Variants in GRAMD1B observed in about 807,000 individuals in gnomAD.
GRAMD1B encodes the protein protein Aster-B.
In GRAMD1B, 37 loss-of-function variants were observed where a neutral mutation model predicts 99.7. The ratio of observed to expected loss-of-function variants is 0.37; its 90% CI spans 0.29 to 0.49. GRAMD1B has a LOEUF of 0.49. Among genes scored for constraint, GRAMD1B ranks in the 20% least tolerant of loss-of-function variants. The probability of loss-of-function intolerance (pLI) is 0.98; values close to 1 mark genes in which losing one functional copy is unlikely to be tolerated. For missense variants in GRAMD1B, 888 were observed against 1,009.2 expected, an observed-to-expected ratio of 0.88 and a Z score of 1.63; for synonymous variants, 427 against 387.6, an observed-to-expected ratio of 1.10 and a Z score of -1.19.
At chr11:123,598,331 G>A (rs1197223824) in intron 7 of GRAMD1B, 19 of 1,197,700 alleles carry the variant, frequency 1.6e-5, no homozygotes, top group Non-Finnish European at 1.9e-5. Context: ...AAATGATCTC[G>A]TTCTCTTCAT....
intron 1 of GRAMD1B, among the ~76,000 whole-genome samples, chr11:123,391,432 G>A (rs748520294): frequency 6.6e-6 from 1 of 151,986 alleles, no homozygotes; most frequent in Non-Finnish European, 1.5e-5. Context: ...GTCCTTCTTG[G>A]CATCTTGATT....
At chr11:123,565,034 C>A (rs1344855836) in intron 2 of GRAMD1B, among the ~76,000 whole-genome samples, 1 of 151,634 alleles carries the variant, frequency 6.6e-6, no homozygotes, top group African/African-American at 2.4e-5. Flanking sequence ...AATGTAATTT[C>A]ATATTTTATT....
chr11:123,477,437 G>T (rs913016282), intron 1 of GRAMD1B, among the ~76,000 whole-genome samples: 1 of 151,308 alleles, frequency 6.6e-6, no homozygotes, highest in African/African-American at 2.4e-5. Context: ...TGTCTTGAGC[G>T]AATGGCAAAC....
At chr11:123,466,918 G>C (rs543886740) in intron 1 of GRAMD1B, among the ~76,000 whole-genome samples, 2 of 152,314 alleles carry the variant, frequency 1.3e-5, no homozygotes, top group South Asian at 4.1e-4. Flanking sequence ...TGGGAAACTA[G>C]AAAAAGGTGG....
intron 1 of GRAMD1B, among the ~76,000 whole-genome samples, chr11:123,371,123 C>G (rs1946514817): frequency 7.5e-6 from 1 of 132,716 alleles, no homozygotes; most frequent in Non-Finnish European, 1.7e-5. Context: ...GTGGCTTCAG[C>G]AGGATGCATG....
chr11:123,432,837 C>T (rs544927421), intron 1 of GRAMD1B, among the ~76,000 whole-genome samples: 10 of 152,152 alleles, frequency 6.6e-5, no homozygotes, highest in South Asian at 2.1e-4. Flanking sequence ...GAGTAGGATC[C>T]GTTATGCAGA....
chr11:123,581,201 G>C (rs1341539124), intron 3 of GRAMD1B, among the ~76,000 whole-genome samples: 1 of 152,116 alleles, frequency 6.6e-6, no homozygotes, highest in Non-Finnish European at 1.5e-5. Flanking sequence ...ATAGAAACGA[G>C]CATGTCCCCA....
At chr11:123,606,089 A>G (rs1245921572) in intron 10 of GRAMD1B, among the ~76,000 whole-genome samples, 1 of 152,220 alleles carries the variant, frequency 6.6e-6, no homozygotes, top group African/African-American at 2.4e-5. Flanking sequence ...CTTGTATTTC[A>G]GTAGGCTATG....
upstream of GRAMD1B, among the ~76,000 whole-genome samples, chr11:123,427,065 G>A (rs560838807): frequency 6.6e-6 from 1 of 152,284 alleles, no homozygotes; most frequent in South Asian, 2.1e-4. Flanking sequence ...CGGGGAATGG[G>A]GGCAAAGGTG....
intron 1 of GRAMD1B, among the ~76,000 whole-genome samples, chr11:123,405,857 G>C (rs1947837102): frequency 6.6e-6 from 1 of 152,170 alleles, no homozygotes. Context: ...AGAATATACT[G>C]TACATCAGAC....
At chr11:123,449,364 G>C (rs1276946094) in intron 1 of GRAMD1B, among the ~76,000 whole-genome samples, 2 of 152,206 alleles carry the variant, frequency 1.3e-5, no homozygotes, top group Non-Finnish European at 2.9e-5. Flanking sequence ...ATAATCAAAT[G>C]ATGAAAGCCT....
chr11:123,369,770 G>A (rs1946458006), intron 1 of GRAMD1B, among the ~76,000 whole-genome samples: 1 of 151,900 alleles, frequency 6.6e-6, no homozygotes, highest in South Asian at 2.1e-4. Flanking sequence ...TACTCAGGAG[G>A]TTGAGGTGGG....
At chr11:123,617,543 A>G (rs12225236) in intron 17 of GRAMD1B, among the ~76,000 whole-genome samples, 37,725 of 151,882 alleles carry the variant, frequency 0.25, 5,380 homozygotes, top group South Asian at 0.43. Flanking sequence ...CCTCTCCCCC[A>G]TTAATTATAA....
At chr11:123,614,636 G>T (rs1237082442) in intron 16 of GRAMD1B, 109 bp from the exon 17 acceptor site, 1 of 636,790 alleles carries the variant, frequency 1.6e-6, no homozygotes, top group Non-Finnish European at 2.9e-6. Context: ...ACAGTGTCAT[G>T]GACATTTTTC....
chr11:123,443,672 C>T (rs1196967351), intron 1 of GRAMD1B, among the ~76,000 whole-genome samples: 1 of 152,118 alleles, frequency 6.6e-6, no homozygotes, highest in Non-Finnish European at 1.5e-5. Context: ...GGTTGATCCC[C>T]TCCCAGGTTC....
At position 123,605,319 on chromosome 11, in the gene GRAMD1B, C is replaced by T. The variant is rs761963134; in HGVS notation, c.1167-3C>T. 2.5e-6 allele frequency: 4 copies of T among 1,603,336 alleles called. No homozygotes were observed. Among genetic ancestry groups the T allele is most frequent in the Non-Finnish European group, 2.6e-6 (3 of 1,173,872 alleles). On this transcript the variant is annotated splice_polypyrimidine_tract_variant and splice_region_variant and intron_variant, in intron 9 of 19. Transcript: ENST00000635736. ...ATGTGGACTCACTGGTGTCTCCTCT[C>T]AGATACTGTGAAGAGATCCCTGTGG...
chr11:123,365,232 AC>A (rs1946277645), intron 1 of GRAMD1B, among the ~76,000 whole-genome samples: 1 of 150,560 alleles, frequency 6.6e-6, no homozygotes, highest in South Asian at 2.1e-4. Flanking sequence ...TGTAGATTCT[AC>A]CCTACATTTT....
At chr11:123,568,931 A>C (rs1947736231) in intron 2 of GRAMD1B, among the ~76,000 whole-genome samples, 1 of 152,190 alleles carries the variant, frequency 6.6e-6, no homozygotes, top group African/African-American at 2.4e-5. Flanking sequence ...GCGTGGTCAC[A>C]GGGAGCTTCT....
chr11:123,456,919 CAAA>C (rs546768047), intron 1 of GRAMD1B, among the ~76,000 whole-genome samples: 1 of 81,812 alleles, frequency 1.2e-5, no homozygotes. Flanking sequence ...GACTCTGTCT[CAAA>C]AAAAAAAAAA....
Sources: gnomAD v4.1 joint callset for allele counts (sites outside exome capture counted in the v4.1 genomes callset) on GRCh38, gnomAD v4.1.1 for gene constraint, MANE v1.5 for transcripts, NCBI Gene and HGNC (gene_info 2026-07-23, HGNC 2026-07-21) for gene names.